NDUFV2: variants seen among roughly 807,000 people sequenced by gnomAD.
NDUFV2 encodes the protein NADH dehydrogenase [ubiquinone] flavoprotein 2, mitochondrial.
In NDUFV2, 18 loss-of-function variants were observed where a neutral mutation model predicts 31.6. That is an observed-to-expected ratio of 0.57 (90% CI 0.39 to 0.84). The LOEUF is 0.84. NDUFV2 is among the 40% of genes least tolerant of loss of function. NDUFV2 has a pLI of 0.00. For missense variants in NDUFV2, 314 were observed against 303.6 expected (o/e 1.03, Z -0.26); for synonymous variants, 83 against 99.8 (o/e 0.83, Z 1.01).
chr18:9,125,873 A>G (rs1312316541), intron 6 of NDUFV2, among the ~76,000 whole-genome samples: 1 of 152,140 alleles, frequency 6.6e-6, no homozygotes, highest in African/African-American at 2.4e-5. Flanking sequence ...GTTCCAGACT[A>G]GCAGTTTTCT....
At chr18:9,123,078 A>G (rs897994463) in intron 5 of NDUFV2, among the ~76,000 whole-genome samples, 11 of 152,256 alleles carry the variant, frequency 7.2e-5, no homozygotes, top group Non-Finnish European at 1.5e-4. Context: ...AGATACAAGC[A>G]TAGTAAGAAT....
At chr18:9,113,321 T>C (rs2077881134) in intron 1 of NDUFV2, among the ~76,000 whole-genome samples, 1 of 152,364 alleles carries the variant, frequency 6.6e-6, no homozygotes, top group African/African-American at 2.4e-5. Flanking sequence ...TGTTGAGATA[T>C]TTTGATAGAA....
chr18:9,117,772 T>C, intron 1 of NDUFV2, 66 bp from the exon 2 acceptor site: 1 of 876,534 alleles, frequency 1.1e-6, no homozygotes, highest in South Asian at 1.4e-5. Flanking sequence ...AATCCTAAAG[T>C]ATTTCTTTAT....
intron 4 of NDUFV2, among the ~76,000 whole-genome samples, chr18:9,120,341 A>G (rs2077925779): frequency 6.6e-6 from 1 of 152,150 alleles, no homozygotes; most frequent in Non-Finnish European, 1.5e-5. Flanking sequence ...AAGACACCTG[A>G]TTTTTCTCTG....
chr18:9,133,989 AAGTCTG>A (rs369968370), intron 7 of NDUFV2, among the ~76,000 whole-genome samples, 191 bp from the exon 8 acceptor site: 52 of 152,320 alleles, frequency 3.4e-4, no homozygotes, highest in African/African-American at 1.2e-3. Context: ...GTTTATGGTG[AAGTCTG>A]ATGTTTTTCC....
At chr18:9,119,413 T>G (rs1477889233) in intron 3 of NDUFV2, 25 bp downstream of exon 3, 1 of 1,604,142 alleles carries the variant, frequency 6.2e-7, no homozygotes, top group African/African-American at 1.3e-5. Context: ...ACATTATAAT[T>G]AATTTACCAA....
rs574639801 is a variant in NDUFV2, at chr18:9,102,707, C to G, written c.-37C>G. On this transcript the variant is annotated 5_prime_UTR_variant, in exon 1 of 8. Transcript: ENST00000318388. ...CCCTGGGCGCGCTCGGGATTCTCGC[C>G]TGGCGCGGCTGGGGAAGGTGAACAG... is the stretch of plus-strand genomic sequence containing the variant. The G allele has an allele frequency of 3.3e-5, 51 of 1,568,262 alleles. No homozygotes were observed. The East Asian group carries it at 5.5e-4, about 17-fold the overall frequency.
intron 1 of NDUFV2, among the ~76,000 whole-genome samples, chr18:9,112,123 A>G (rs1271754760): frequency 4.6e-5 from 7 of 151,388 alleles, no homozygotes. Context: ...GGTTCAAGCA[A>G]TTCTCCTGTC....
At chr18:9,117,528 A>G in intron 1 of NDUFV2, 2 of 321,910 alleles carry the variant, frequency 6.2e-6, no homozygotes, top group South Asian at 3.6e-5. Context: ...CAAGAAGTTA[A>G]TAGTACATTA....
intron 1 of NDUFV2, chr18:9,104,944 A>T (rs1439363532): frequency 2.6e-6 from 4 of 1,550,172 alleles, no homozygotes; most frequent in Non-Finnish European, 3.5e-6. Flanking sequence ...CACATAACAG[A>T]CCTTACAGAC....
chr18:9,129,094 C>T (rs1050553367), intron 7 of NDUFV2, among the ~76,000 whole-genome samples: 2 of 152,112 alleles, frequency 1.3e-5, no homozygotes, highest in Non-Finnish European at 2.9e-5. Context: ...CGTGCCACCA[C>T]CATGCCCAGC....
intron 1 of NDUFV2, chr18:9,115,895 A>G (rs1041312787): frequency 6.6e-6 from 1 of 152,012 alleles, no homozygotes; most frequent in Non-Finnish European, 1.5e-5. Context: ...GGCTTTCCAT[A>G]TATCATGGTA....
Position 9,119,361 on chromosome 18 carries a change from AT to A in NDUFV2, c.159del (p.Phe53LeufsTer11), listed in dbSNP as rs753671571. 7 of 1,613,216 alleles carry A rather than the reference AT, an allele frequency of 4.3e-6. No homozygotes were observed. In the South Asian group the frequency reaches 7.7e-5, roughly 18 times the overall value. On this transcript the variant is annotated frameshift_variant, in exon 3 of 8. Coordinates refer to ENST00000318388, the MANE Select transcript of NDUFV2 (RefSeq NM_021074.5). LOFTEE classifies it high-confidence loss of function. The stretch of plus-strand genomic sequence containing the variant: ...CTCCTGAGAATAACCCTGATACTCC[AT>A]TTGATTTCACACCAGAAAACTATAA... ...DTPENNPDTP[F>X]DFTPENYKRI...
intron 4 of NDUFV2, among the ~76,000 whole-genome samples, chr18:9,120,360 C>T (rs186765222): frequency 6.6e-6 from 1 of 152,290 alleles, no homozygotes; most frequent in East Asian, 1.9e-4. Flanking sequence ...TGAACTTCCT[C>T]ATTGGCAATG....
chr18:9,121,791 C>T (rs796551851), intron 4 of NDUFV2, among the ~76,000 whole-genome samples: 5 of 152,254 alleles, frequency 3.3e-5, no homozygotes, highest in African/African-American at 1.2e-4. Context: ...TCCCCTTAGT[C>T]CTGAACACCA....
chr18:9,118,817 T>TTTG (rs1305169961), intron 2 of NDUFV2, among the ~76,000 whole-genome samples: 1 of 144,528 alleles, frequency 6.9e-6, no homozygotes, highest in Non-Finnish European at 1.5e-5. Context: ...ATGGTGCTGT[T>TTTG]TTTTTTTTTT....
intron 4 of NDUFV2, among the ~76,000 whole-genome samples, chr18:9,121,691 C>T (rs1285353848): frequency 6.6e-6 from 1 of 152,104 alleles, no homozygotes; most frequent in Non-Finnish European, 1.5e-5. Context: ...AATTATAAAT[C>T]ACGATAGACA....
At chr18:9,114,559 A>T (rs1177965293) in intron 1 of NDUFV2, among the ~76,000 whole-genome samples, 1 of 152,062 alleles carries the variant, frequency 6.6e-6, no homozygotes, top group Non-Finnish European at 1.5e-5. Context: ...TTAAATCTCA[A>T]AATAGTCCAA....
At chr18:9,108,880 G>C (rs1386647043) in intron 1 of NDUFV2, among the ~76,000 whole-genome samples, 1 of 152,006 alleles carries the variant, frequency 6.6e-6, no homozygotes, top group African/African-American at 2.4e-5. Context: ...TAGTAGAGAT[G>C]GGGTTTCACC....
Sources: allele counts gnomAD v4.1 joint callset (sites outside exome capture counted in the v4.1 genomes callset), GRCh38; gene constraint gnomAD v4.1.1; transcripts MANE v1.5; gene names NCBI Gene and HGNC (gene_info 2026-07-23, HGNC 2026-07-21).